NPY2R: variants seen among roughly 807,000 people sequenced by gnomAD.
NPY2R encodes neuropeptide Y receptor type 2.
Under a neutral mutation model 22.3 loss-of-function variants are expected in NPY2R, and 17 were observed. That is an observed-to-expected ratio of 0.76 (90% CI 0.52 to 1.14). The LOEUF is 1.14. Among genes scored for constraint, NPY2R ranks in the 50% most tolerant of loss-of-function variants. NPY2R has a pLI of 0.00. For synonymous variants in NPY2R, 209 were observed against 183.4 expected (o/e 1.14, Z -1.13); for missense variants, 424 against 467.9 (o/e 0.91, Z 0.87).
At chr4:155,188,362 GTC>G in the NPY2R span, among the ~76,000 whole-genome samples, 1 of 152,078 alleles carries the variant, frequency 6.6e-6, no homozygotes, top group Non-Finnish European at 1.5e-5. Flanking sequence ...GCATCCTAAA[GTC>G]TCTGATTCAG....
At chr4:155,198,612 TA>T in the NPY2R span, among the ~76,000 whole-genome samples, 18 of 145,956 alleles carry the variant, frequency 1.2e-4, no homozygotes, top group South Asian at 4.3e-4. Context: ...ATTTGATATA[TA>T]TTTTTTTTCT....
chr4:155,206,825 G>A (rs1247413515), upstream of NPY2R: 1 of 152,162 alleles, frequency 6.6e-6, no homozygotes, highest in African/African-American at 2.4e-5. Flanking sequence ...ATTTGTTTTT[G>A]TGGTCGTTGT....
chr4:155,188,328 A>G, the NPY2R span, among the ~76,000 whole-genome samples: 6 of 152,004 alleles, frequency 3.9e-5, no homozygotes, highest in Non-Finnish European at 7.4e-5. Context: ...TCTTCTTTCT[A>G]AGCTTAATCC....
At chr4:155,195,433 CATT>C in the NPY2R span, among the ~76,000 whole-genome samples, 1 of 151,922 alleles carries the variant, frequency 6.6e-6, no homozygotes, top group African/African-American at 2.4e-5. Flanking sequence ...TGGGAATCTA[CATT>C]ATTGACAGGA....
the NPY2R span, among the ~76,000 whole-genome samples, chr4:155,181,153 C>G: frequency 6.6e-6 from 1 of 151,886 alleles, no homozygotes; most frequent in African/African-American, 2.4e-5. Flanking sequence ...TCTTCACATG[C>G]ACAATTACCC....
the NPY2R span, among the ~76,000 whole-genome samples, chr4:155,187,842 A>G: frequency 6.6e-6 from 1 of 152,190 alleles, no homozygotes; most frequent in Non-Finnish European, 1.5e-5. Context: ...AAAAATGTTT[A>G]ATGTCGTACA....
the NPY2R span, among the ~76,000 whole-genome samples, chr4:155,195,825 C>T: frequency 3.3e-5 from 5 of 152,014 alleles, no homozygotes; most frequent in Non-Finnish European, 7.4e-5. Flanking sequence ...ATGTTTAAAA[C>T]TGCCATGAAA....
the NPY2R span, among the ~76,000 whole-genome samples, chr4:155,183,400 C>A: frequency 6.6e-6 from 1 of 152,054 alleles, no homozygotes; most frequent in Admixed American, 6.5e-5. Flanking sequence ...CTGGTTCCAA[C>A]CAGAAATGAA....
At position 155,215,075 on chromosome 4, in the gene NPY2R, C is replaced by T; in HGVS notation, c.1136C>T (p.Thr379Ile). Residue 379 changes from threonine (T) to isoleucine (I), a missense_variant, in exon 2 of 2, where the codon ACC becomes ATC. Transcript: ENST00000329476. Reference protein sequence around the residue: ...SGPNDSFTEATNV With the variant: ...SGPNDSFTEAINV ...CCCAATGACTCTTTCACAGAGGCTA[C>T]CAATGTCTAAGGAAGCTGTGGTGTG... The T allele has an allele frequency of 5.0e-6, 8 of 1,612,730 alleles. No homozygotes were observed. The highest frequency in any genetic ancestry group is 6.8e-6 in the Non-Finnish European group (8 of 1,179,922).
chr4:155,213,085 C>T (rs1729438889), intron 1 of NPY2R, among the ~76,000 whole-genome samples: 1 of 151,992 alleles, frequency 6.6e-6, no homozygotes, highest in African/African-American at 2.4e-5. Context: ...GCTGTGGGTA[C>T]ACAAAAGCAT....
chr4:155,190,083 C>G, the NPY2R span, among the ~76,000 whole-genome samples: 1 of 151,986 alleles, frequency 6.6e-6, no homozygotes, highest in Non-Finnish European at 1.5e-5. Context: ...CTCAGGCCCA[C>G]ATGTAGATAG....
chr4:155,214,423 A>C lies in NPY2R; in HGVS notation c.484A>C (p.Lys162Gln), dbSNP rs1438521425. The change falls in exon 2 of 2, where the codon AAG becomes CAG. Residue 162 changes from lysine to glutamine, a missense_variant. By Grantham distance (53) the Lys-to-Gln change is moderately conservative (BLOSUM62 1). Transcript: ENST00000329476. ...CTACCACCTAGAGAGCAAGATCTCC[A>C]AGCGAATCAGCTTCCTGATTATTGG... ...IVYHLESKISKRISFLIIGLA... is the reference protein window; with the variant it reads ...IVYHLESKISQRISFLIIGLA... The C allele has an allele frequency of 3.7e-6, 6 of 1,613,818 alleles. No homozygotes were observed. In the Admixed American group the frequency reaches 1.0e-4, roughly 27 times the overall value.
the NPY2R span, among the ~76,000 whole-genome samples, chr4:155,174,462 T>TATATATATATATATATATATATA: frequency 8.6e-6 from 1 of 116,618 alleles, no homozygotes; most frequent in African/African-American, 4.4e-5. Flanking sequence ...TGGCTAAGCT[T>TATATATATATATATATATATATA]TATATATATA....
the NPY2R span, among the ~76,000 whole-genome samples, chr4:155,177,667 T>C: frequency 7.9e-5 from 12 of 152,024 alleles, no homozygotes; most frequent in Non-Finnish European, 1.0e-4. Flanking sequence ...CAACCCTGTG[T>C]TAGTTTTCTG....
chr4:155,187,079 A>C, the NPY2R span, among the ~76,000 whole-genome samples: 1 of 152,284 alleles, frequency 6.6e-6, no homozygotes, highest in African/African-American at 2.4e-5. Flanking sequence ...ATTAATTGGA[A>C]CCTAATGGAA....
At chr4:155,200,022 C>A in the NPY2R span, among the ~76,000 whole-genome samples, 1 of 152,036 alleles carries the variant, frequency 6.6e-6, no homozygotes, top group Non-Finnish European at 1.5e-5. Context: ...AACTAAAGAG[C>A]TTCTGCACAG....
upstream of NPY2R, among the ~76,000 whole-genome samples, chr4:155,205,111 A>T (rs959230374): frequency 6.6e-5 from 10 of 152,216 alleles, no homozygotes; most frequent in African/African-American, 2.4e-4. Context: ...TTAGTTTTAC[A>T]TTCAAATTAA....
At chr4:155,204,479 A>C (rs73855382), upstream of NPY2R, among the ~76,000 whole-genome samples, 3,358 of 152,242 alleles carry the variant, frequency 0.022, 114 homozygotes, top group African/African-American at 0.078. Context: ...AACTTGGCTT[A>C]AGGAAAAAAT....
Position 155,215,615 on chromosome 4 carries a change from G to A in NPY2R, c.*530G>A, listed in dbSNP as rs1031596828. The A allele has an allele frequency of 1.6e-5, 3 of 188,682 alleles. No homozygotes were observed. The highest frequency in any genetic ancestry group is 2.9e-4 in the East Asian group (2 of 6,872). The allele number at this position is 188,682 out of a possible 1,614,324, so 11.7% of individuals were successfully genotyped here. ...TCCATCAGGGAATGCTGCAGGAAACGATTGCCAACTATACGAATGGCTTCG... is the reference window on the plus strand; with the variant it reads ...TCCATCAGGGAATGCTGCAGGAAACAATTGCCAACTATACGAATGGCTTCG... On this transcript the variant is annotated 3_prime_UTR_variant, in exon 2 of 2. Transcript: ENST00000329476.
Sources: allele counts gnomAD v4.1 joint callset (sites outside exome capture counted in the v4.1 genomes callset), GRCh38; gene constraint gnomAD v4.1.1; transcripts MANE v1.5; gene names NCBI Gene and HGNC (gene_info 2026-07-23, HGNC 2026-07-21).